Variants in AUTS2 observed in about 807,000 individuals in gnomAD.
The protein encoded by AUTS2 is activator of transcription and developmental regulator AUTS2, also known as autism susceptibility gene 2 protein.
AUTS2 carries 17 observed loss-of-function variants against 112.4 expected under a neutral mutation model. That is an observed-to-expected ratio of 0.15 (90% CI 0.10 to 0.23). The LOEUF (loss-of-function observed/expected upper bound fraction) is 0.23. Among genes scored for constraint, AUTS2 ranks in the 10% least tolerant of loss-of-function variants. AUTS2 has a pLI of 1.00. For synonymous variants in AUTS2, 751 were observed against 702.7 expected (o/e 1.07, Z -1.09); for missense variants, 1,510 against 1,701.6 (o/e 0.89, Z 1.98).
chr7:70,607,465 CAA>C (rs1447210732), intron 5 of AUTS2, among the ~76,000 whole-genome samples: 1 of 152,088 alleles, frequency 6.6e-6, no homozygotes, highest in Non-Finnish European at 1.5e-5. Flanking sequence ...CAAGTCTAGA[CAA>C]GAAGCAAGAC....
In AUTS2 at chr7:70,672,972, A is replaced by C. The variant is rs868708882; in HGVS notation, c.691-25597A>C. ...ACAACCCTACTACAGCATTCATAGA[A>C]GAATAAGATAGAAAATGAGATGGGA... On this transcript the variant is annotated intron_variant, in intron 5 of 18. Transcript: ENST00000342771. Among the ~76,000 whole-genome samples the C allele has an allele frequency of 2.6e-5, 4 of 152,352 alleles. No homozygotes were observed. In the Middle Eastern group the frequency reaches 0.014, roughly 518 times the overall value.
chr7:69,895,543 T>TTCCCCCC (rs1794705518), intron 1 of AUTS2, among the ~76,000 whole-genome samples: 1 of 131,872 alleles, frequency 7.6e-6, no homozygotes, highest in African/African-American at 2.9e-5. Context: ...TCTCTCTTCT[T>TTCCCCCC]CCCCCCCCCC....
At chr7:70,383,731 G>A (rs904192679) in intron 4 of AUTS2, among the ~76,000 whole-genome samples, 4 of 152,196 alleles carry the variant, frequency 2.6e-5, no homozygotes, top group Non-Finnish European at 5.9e-5. Context: ...CATAAGACAA[G>A]CAAAAATAGG....
intron 14 of AUTS2, among the ~76,000 whole-genome samples, chr7:70,778,064 A>C (rs1296720169): frequency 6.6e-6 from 1 of 152,202 alleles, no homozygotes; most frequent in Non-Finnish European, 1.5e-5. Context: ...TCGCTGTCCA[A>C]AGACGATTTT....
chr7:70,558,486 A>G (rs1467958317), intron 5 of AUTS2, among the ~76,000 whole-genome samples: 1 of 152,306 alleles, frequency 6.6e-6, no homozygotes, highest in Non-Finnish European at 1.5e-5. Context: ...GAGCAGGCAC[A>G]GTGACTGGTC....
chr7:69,825,410 T>G (rs10275721), intron 1 of AUTS2, among the ~76,000 whole-genome samples: 11,579 of 152,258 alleles, frequency 0.076, 601 homozygotes, highest in African/African-American at 0.14. Context: ...ATAACTGGGC[T>G]GAGAGGCTCT....
intron 5 of AUTS2, among the ~76,000 whole-genome samples, chr7:70,651,888 G>A (rs1158261330): frequency 6.6e-6 from 1 of 152,138 alleles, no homozygotes; most frequent in Non-Finnish European, 1.5e-5. Context: ...GCACAGAAAT[G>A]CACAGAAAAA....
chr7:70,424,333 T>G (rs1795342764), intron 4 of AUTS2, among the ~76,000 whole-genome samples: 1 of 152,190 alleles, frequency 6.6e-6, no homozygotes, highest in African/African-American at 2.4e-5. Flanking sequence ...TCAGCTTGCC[T>G]CTGTACTTTG....
chr7:69,904,402 A>T (rs1239099427), intron 2 of AUTS2, among the ~76,000 whole-genome samples: 1 of 152,206 alleles, frequency 6.6e-6, no homozygotes, highest in African/African-American at 2.4e-5. Flanking sequence ...AAGATCTGCT[A>T]ATTAGTTTTG....
intron 2 of AUTS2, among the ~76,000 whole-genome samples, chr7:70,081,903 G>A (rs1803333942): frequency 6.6e-6 from 1 of 151,354 alleles, no homozygotes; most frequent in African/African-American, 2.4e-5. Context: ...TTAACTTTTA[G>A]GAAAGAAAAA....
intron 5 of AUTS2, among the ~76,000 whole-genome samples, chr7:70,494,441 C>T (rs1798368372): frequency 6.6e-6 from 1 of 152,092 alleles, no homozygotes; most frequent in Non-Finnish European, 1.5e-5. Context: ...GGGCCCATGG[C>T]GAGGAAAATG....
At chr7:70,577,487 C>T (rs1585323302) in intron 5 of AUTS2, among the ~76,000 whole-genome samples, 1 of 152,222 alleles carries the variant, frequency 6.6e-6, no homozygotes, top group African/African-American at 2.4e-5. Flanking sequence ...CCTTTTGGTC[C>T]TTTAAGGTAA....
At chr7:70,750,170 C>G (rs576820204) in intron 6 of AUTS2, among the ~76,000 whole-genome samples, 1 of 152,212 alleles carries the variant, frequency 6.6e-6, no homozygotes, top group South Asian at 2.1e-4. Context: ...TAACTTGGAG[C>G]CTTTCTTTGG....
Position 70,790,771 on chromosome 7 carries a change from C to G in AUTS2, c.3555C>G (p.Ile1185Met), listed in dbSNP as rs202093848. The G allele has an allele frequency of 2.0e-4, 328 of 1,612,678 alleles. No individual in the cohort carries two copies. Among genetic ancestry groups the G allele is most frequent in the Non-Finnish European group, 2.6e-4 (304 of 1,179,600 alleles). Residue 1185 changes from isoleucine to methionine, a missense_variant, in exon 19 of 19, where the codon ATC becomes ATG. Ile to Met is a conservative substitution (Grantham distance 10). This residue lies in a region of AUTS2 where 788 missense variants were observed against 797.6 expected (regional missense o/e 0.99). Coordinates refer to ENST00000342771, the MANE Select transcript of AUTS2 (RefSeq NM_015570.4). This position sits in a 1 kb window ranked among gnomAD's most constrained non-coding sequence, Gnocchi z 7.6. ...GACACCTCCCCCACCCCAGCCTCATCACCCCGGGACTCCCCAGCATGCACT... is the reference window on the plus strand; with the variant it reads ...GACACCTCCCCCACCCCAGCCTCATGACCCCGGGACTCCCCAGCATGCACT... ...LDGHLPHPSL[I>M]TPGLPSMHYP...
chr7:69,880,867 T>C (rs1182280630), intron 1 of AUTS2, among the ~76,000 whole-genome samples: 1 of 152,154 alleles, frequency 6.6e-6, no homozygotes. Context: ...TGCAGCCCTT[T>C]GTCAGCCAGA....
At chr7:70,534,396 A>ATTTGTTTG (rs59524958) in intron 5 of AUTS2, among the ~76,000 whole-genome samples, 182 of 148,032 alleles carry the variant, frequency 1.2e-3, no homozygotes, top group East Asian at 3.4e-3. Flanking sequence ...GGGAATATGA[A>ATTTGTTTG]TTTGTTTGTT....
At chr7:69,721,604 A>G (rs1217968282) in intron 1 of AUTS2, among the ~76,000 whole-genome samples, 3 of 152,208 alleles carry the variant, frequency 2.0e-5, no homozygotes, top group Non-Finnish European at 2.9e-5. Flanking sequence ...GCTGAGAATG[A>G]AGAATACAGG....
intron 10 of AUTS2, among the ~76,000 whole-genome samples, chr7:70,769,775 G>A (rs896682902): frequency 1.3e-5 from 2 of 152,098 alleles, no homozygotes; most frequent in East Asian, 1.9e-4. Flanking sequence ...CTTCTGATAC[G>A]CATATTCTAC....
chr7:69,934,566 A>G (rs930230640), intron 2 of AUTS2, among the ~76,000 whole-genome samples: 3 of 152,228 alleles, frequency 2.0e-5, no homozygotes, highest in Non-Finnish European at 2.9e-5. Flanking sequence ...TGCACCAGAC[A>G]TAATGAGAGT....
Sources: gnomAD v4.1 joint callset for allele counts (sites outside exome capture counted in the v4.1 genomes callset) on GRCh38, gnomAD v4.1.1 for gene constraint, gnomAD v4.1.1 regional missense constraint, Gnocchi (gnomAD v3.1) non-coding constraint, MANE v1.5 for transcripts, NCBI Gene and HGNC (gene_info 2026-07-23, HGNC 2026-07-21) for gene names.